FREM2: variants seen among roughly 807,000 people sequenced by gnomAD.
FREM2 encodes FRAS1 related extracellular matrix 2, also known as FRAS1-related extracellular matrix protein 2.
Under a neutral mutation model 219.9 loss-of-function variants are expected in FREM2, and 119 were observed. The observed-to-expected ratio is 0.54, with a 90% CI of 0.47 to 0.63. The LOEUF (loss-of-function observed/expected upper bound fraction) is 0.63. Ranked by LOEUF, FREM2 falls within the 30% of genes least tolerant of loss-of-function variation. The pLI is 0.00. For missense variants in FREM2, 4,030 were observed against 3,993.6 expected (o/e 1.01, Z -0.25); for synonymous variants, 1,562 against 1,522.8 (o/e 1.03, Z -0.60).
At position 38,708,155 on chromosome 13, in the gene FREM2, A is replaced by G. The variant is rs143784026; in HGVS notation, c.5263+10368A>G. ...GTTAGCCATTGACCCCCACTATAAT[A>G]TATGCTGTCCATGAGAGCCAGGATT... On this transcript the variant is annotated intron_variant, in intron 2 of 23. Coordinates refer to ENST00000280481, the MANE Select transcript of FREM2 (RefSeq NM_207361.6). 6.4e-3 allele frequency among the ~76,000 whole-genome samples: 971 copies of G among 152,308 alleles called. 6 individuals are homozygous for G. Among genetic ancestry groups the G allele is most frequent in the African/African-American group, 0.022 (917 of 41,570 alleles).
intron 10 of FREM2, 125 bp downstream of exon 10, chr13:38,851,233 A>G (rs1222426777): frequency 1.3e-5 from 11 of 851,762 alleles, no homozygotes; most frequent in Non-Finnish European, 2.1e-5. Context: ...TTTTTAAGCA[A>G]TTGAGAAACA....
intron 2 of FREM2, among the ~76,000 whole-genome samples, chr13:38,747,870 C>T: frequency 6.6e-6 from 1 of 152,118 alleles, no homozygotes; most frequent in East Asian, 1.9e-4. Flanking sequence ...TTTCCAAAAC[C>T]CAGCTTAGTC....
At chr13:38,871,599 C>T (rs1243660570) in intron 16 of FREM2, among the ~76,000 whole-genome samples, 1 of 152,184 alleles carries the variant, frequency 6.6e-6, no homozygotes, top group African/African-American at 2.4e-5. Context: ...GAGTTCTGAT[C>T]TTGTCCGAGC....
At chr13:38,810,473 A>G (rs1306027524) in intron 6 of FREM2, among the ~76,000 whole-genome samples, 2 of 151,894 alleles carry the variant, frequency 1.3e-5, no homozygotes, top group East Asian at 1.9e-4. Flanking sequence ...TATGGTTTTC[A>G]TTATGTTGAT....
Position 38,691,015 on chromosome 13 carries a change from A to T in FREM2, c.3671A>T (p.Asp1224Val). 2 of 1,614,160 alleles carry T rather than the reference A, an allele frequency of 1.2e-6. No homozygotes were observed. The highest frequency in any genetic ancestry group is 1.7e-6 in the Non-Finnish European group (2 of 1,180,014). ...NAADADVPLDDLTFTITQFPT... is the reference protein window; with the variant it reads ...NAADADVPLDVLTFTITQFPT... ...GCTGATGCTGATGTTCCCCTGGATG[A>T]TTTAACTTTCACTATTACCCAATTC... The change falls in exon 1 of 24, where the codon GAT becomes GTT. Residue 1224 changes from aspartate to valine, a missense_variant. By Grantham distance (152) the Asp-to-Val change is radical (BLOSUM62 -3). This residue lies in a region of FREM2 where 3,102 missense variants were observed against 2,950.7 expected (regional missense o/e 1.05). Transcript: ENST00000280481.
chr13:38,712,174 G>A (rs1043529545), intron 2 of FREM2, among the ~76,000 whole-genome samples: 2 of 152,178 alleles, frequency 1.3e-5, no homozygotes, highest in Middle Eastern at 3.4e-3. Context: ...GATTACAGGC[G>A]TGAGCCACCG....
At position 38,814,485 on chromosome 13, in the gene FREM2, C is replaced by G. The variant is rs568153805; in HGVS notation, c.6019+29677C>G. Among the ~76,000 whole-genome samples, 32 of 152,290 alleles carry G rather than the reference C, an allele frequency of 2.1e-4. No individual in the cohort carries two copies. In the East Asian group the frequency reaches 4.1e-3, roughly 19 times the overall value. On this transcript the variant is annotated intron_variant, in intron 6 of 23. Coordinates refer to ENST00000280481, the MANE Select transcript of FREM2 (RefSeq NM_207361.6). ...ACAAGGCAGAGGCTCTTGTTCTTCT[C>G]CCTTTCTTTCTGCCAAACATATAGC...
chr13:38,726,753 G>A lies in FREM2; in HGVS notation c.5263+28966G>A, dbSNP rs139543335. 5.1e-4 allele frequency among the ~76,000 whole-genome samples: 77 copies of A among 152,288 alleles called. No homozygotes were observed. The East Asian group carries it at 8.7e-3, about 17-fold the overall frequency. ...GTTGCAGCTGTTGTCTTCCCAACCC[G>A]GTCCTGTTGCCCAAACTGCTCTTAT... On this transcript the variant is annotated intron_variant, in intron 2 of 23. Coordinates refer to ENST00000280481, the MANE Select transcript of FREM2 (RefSeq NM_207361.6).
chr13:38,887,012 A>G lies in FREM2; in HGVS notation c.*6225A>G, dbSNP rs1320116572. On this transcript the variant is annotated 3_prime_UTR_variant, in exon 24 of 24. Coordinates refer to ENST00000280481, the MANE Select transcript of FREM2 (RefSeq NM_207361.6). ...CTAATTTTGCAAACAATTTGGAGCC[A>G]TTCAGTCATAAATTCATGTCAACAA... 6.6e-6 allele frequency: 1 copy of G among 152,194 alleles called. No homozygotes were observed. The highest frequency in any genetic ancestry group is 1.9e-4 in the East Asian group (1 of 5,198). The allele number at this position is 152,194 out of a possible 1,614,324, so 9.4% of individuals were successfully genotyped here.
intron 6 of FREM2, among the ~76,000 whole-genome samples, chr13:38,817,562 A>G (rs934383283): frequency 2.6e-5 from 4 of 152,134 alleles, no homozygotes; most frequent in African/African-American, 9.6e-5. Context: ...ATAAAAATCA[A>G]CTCAAAATGG....
At position 38,783,174 on chromosome 13, in the gene FREM2, G is replaced by T. The variant is rs779202673; in HGVS notation, c.5746G>T (p.Val1916Leu). Reference sequence around the variant, plus strand: ...CGGAGATGTGAGCCAGGAGTTGATGGTGGTCTGTTATACCCAACAAGGTAG... The same window carrying T: ...CGGAGATGTGAGCCAGGAGTTGATGTTGGTCTGTTATACCCAACAAGGTAG... Reference protein sequence around the residue: ...RSGDVSQELMVVCYTQQGTAT... With the variant: ...RSGDVSQELMLVCYTQQGTAT... The change falls in exon 5 of 24, where the codon GTG becomes TTG. Residue 1916 changes from valine to leucine, a missense_variant. Val to Leu is a conservative substitution (Grantham distance 32). Transcript: ENST00000280481. 3.1e-6 allele frequency: 5 copies of T among 1,614,054 alleles called. No individual in the cohort carries two copies. Among genetic ancestry groups the T allele is most frequent in the Non-Finnish European group, 4.2e-6 (5 of 1,179,982 alleles).
At chr13:38,768,954 T>G (rs1473090546) in intron 3 of FREM2, among the ~76,000 whole-genome samples, 1 of 152,226 alleles carries the variant, frequency 6.6e-6, no homozygotes, top group Non-Finnish European at 1.5e-5. Flanking sequence ...GCTCTCCAAT[T>G]CTGTTTATTT....
In FREM2 at chr13:38,880,915, T is replaced by A; in HGVS notation, c.*128T>A. On this transcript the variant is annotated 3_prime_UTR_variant, in exon 24 of 24. Transcript: ENST00000280481. ...GATGAAGCTGCTTAGAGAATATGACTGTACTAATGGAGTTTGATTTGAATT... is the reference window on the plus strand; with the variant it reads ...GATGAAGCTGCTTAGAGAATATGACAGTACTAATGGAGTTTGATTTGAATT... 9.1e-7 allele frequency: 1 copy of A among 1,094,062 alleles called. No individual in the cohort carries two copies. Among genetic ancestry groups the A allele is most frequent in the Non-Finnish European group, 1.4e-6 (1 of 735,352 alleles). The allele number at this position is 1,094,062 out of a possible 1,614,324, so 67.8% of individuals were successfully genotyped here.
At chr13:38,819,438 C>A (rs1364358773) in intron 6 of FREM2, among the ~76,000 whole-genome samples, 1 of 152,082 alleles carries the variant, frequency 6.6e-6, no homozygotes, top group Non-Finnish European at 1.5e-5. Context: ...ACCTTTCTCC[C>A]CACAAGAAAG....
At chr13:38,826,606 T>G (rs1050297065) in intron 6 of FREM2, among the ~76,000 whole-genome samples, 1 of 151,960 alleles carries the variant, frequency 6.6e-6, no homozygotes, top group African/African-American at 2.4e-5. Context: ...GTGGTCAAGA[T>G]TACTTATTGT....
chr13:38,852,648 C>T (rs1030492115), intron 11 of FREM2, among the ~76,000 whole-genome samples: 1 of 151,164 alleles, frequency 6.6e-6, no homozygotes, highest in Non-Finnish European at 1.5e-5. Context: ...ATTTAGGAGC[C>T]ACTTAGAGAT....
At position 38,848,651 on chromosome 13, in the gene FREM2, A is replaced by C. The variant is rs1319500698; in HGVS notation, c.6360A>C (p.Ile2120=). ...LGEPSKATVS[I]NDSVSDLPKM... ...AGCCCAGCAAAGCCACAGTGTCCAT[A>C]AATGACTCTGTCTCCGATTGTGAGT... The change falls in exon 8 of 24, where the codon ATA becomes ATC. Residue 2120 remains isoleucine, a synonymous_variant. Coordinates refer to ENST00000280481, the MANE Select transcript of FREM2 (RefSeq NM_207361.6). The C allele has an allele frequency of 1.2e-6, 2 of 1,612,880 alleles. No homozygotes were observed. Among genetic ancestry groups the C allele is most frequent in the African/African-American group, 1.3e-5 (1 of 75,004 alleles).
Position 38,814,111 on chromosome 13 carries a change from A to G in FREM2, c.6019+29303A>G, listed in dbSNP as rs1875656410. 1.3e-5 allele frequency among the ~76,000 whole-genome samples: 2 copies of G among 152,112 alleles called. 1 individual carries two copies. Among genetic ancestry groups the G allele is most frequent in the South Asian group, 4.1e-4 (2 of 4,828 alleles). On this transcript the variant is annotated intron_variant, in intron 6 of 23. Transcript: ENST00000280481. Reference sequence around the variant, plus strand: ...CTGAATTCCTTCTCTGTGTTGTCTTAAATTTCTTCAAGTCTCTTCAAAATA... The same window carrying G: ...CTGAATTCCTTCTCTGTGTTGTCTTGAATTTCTTCAAGTCTCTTCAAAATA...
chr13:38,808,981 G>A (rs1875367072), intron 6 of FREM2, among the ~76,000 whole-genome samples: 1 of 151,830 alleles, frequency 6.6e-6, no homozygotes, highest in Non-Finnish European at 1.5e-5. Flanking sequence ...TGGGTTTTTG[G>A]TGCTTTTCTC....
Sources: allele counts gnomAD v4.1 joint callset (sites outside exome capture counted in the v4.1 genomes callset), GRCh38; gene constraint gnomAD v4.1.1; regional missense constraint gnomAD v4.1.1; transcripts MANE v1.5; gene names NCBI Gene and HGNC (gene_info 2026-07-23, HGNC 2026-07-21).